UNC13C: variants seen among roughly 807,000 people sequenced by gnomAD.
The protein encoded by UNC13C is unc-13 homolog C.
Under a neutral mutation model 245.4 loss-of-function variants are expected in UNC13C, and 174 were observed. The observed-to-expected ratio is 0.71, with a 90% CI of 0.63 to 0.80. UNC13C has a LOEUF of 0.80. Ranked by LOEUF, UNC13C falls within the 30% of genes least tolerant of loss-of-function variation. The probability of loss-of-function intolerance (pLI) is 0.00; values close to 1 mark genes in which losing one functional copy is unlikely to be tolerated. For synonymous variants in UNC13C, 992 were observed against 895.1 expected, an observed-to-expected ratio of 1.11 and a Z score of -1.93; for missense variants, 2,829 against 2,602.9, an observed-to-expected ratio of 1.09 and a Z score of -1.89.
chr15:54,048,506 C>T, intron 2 of UNC13C: 1 of 591,864 alleles, frequency 1.7e-6, no homozygotes, highest in Admixed American at 2.0e-5. Flanking sequence ...TATGTTTCCA[C>T]TAAACCTTAG....
At chr15:54,088,205 T>C (rs1899353316) in intron 2 of UNC13C, among the ~76,000 whole-genome samples, 1 of 38,950 alleles carries the variant, frequency 2.6e-5, no homozygotes, top group Admixed American at 2.4e-4. Context: ...CTTTTCCTTT[T>C]TTTTTTTTTT....
chr15:54,409,687 C>T (rs982354049), intron 18 of UNC13C, among the ~76,000 whole-genome samples: 3 of 152,200 alleles, frequency 2.0e-5, no homozygotes, highest in Admixed American at 6.5e-5. Context: ...ACTCCATCCA[C>T]GTTGCTGCAA....
chr15:54,408,715 G>T (rs2040358524), intron 18 of UNC13C, among the ~76,000 whole-genome samples: 1 of 152,130 alleles, frequency 6.6e-6, no homozygotes, highest in Non-Finnish European at 1.5e-5. Flanking sequence ...CAAATTTTCA[G>T]TAGTTTGGTG....
Position 54,130,698 on chromosome 15 carries a change from C to A in UNC13C, c.2984-12320C>A, listed in dbSNP as rs543366890. ...TTTGGTATAGGCTTAAGATTCCTAT[C>A]TTCATAGGCAAATCTTTTCCATTCA... On this transcript the variant is annotated intron_variant, in intron 2 of 32. Transcript: ENST00000260323. 3.3e-5 allele frequency among the ~76,000 whole-genome samples: 5 copies of A among 152,280 alleles called. No individual in the cohort carries two copies. The South Asian group carries it at 1.0e-3, about 32-fold the overall frequency.
intron 4 of UNC13C, among the ~76,000 whole-genome samples, chr15:54,187,107 A>G (rs758896811): frequency 1.4e-4 from 21 of 151,956 alleles, no homozygotes; most frequent in Non-Finnish European, 2.8e-4. Context: ...CTTGGCATCA[A>G]TTTTACACAT....
At chr15:54,556,818 T>C (rs910436008) in intron 29 of UNC13C, among the ~76,000 whole-genome samples, 1 of 151,966 alleles carries the variant, frequency 6.6e-6, no homozygotes, top group African/African-American at 2.4e-5. Flanking sequence ...TGAATTCAAC[T>C]CTTCATGCAT....
chr15:53,916,998 G>A, the UNC13C span, among the ~76,000 whole-genome samples: 14 of 152,320 alleles, frequency 9.2e-5, no homozygotes, highest in Middle Eastern at 3.4e-3. Context: ...AAAAGAATCA[G>A]ATGACCAGAC....
intron 2 of UNC13C, among the ~76,000 whole-genome samples, chr15:54,138,953 ATTTT>A (rs56255946): frequency 3.1e-4 from 15 of 48,640 alleles, no homozygotes; most frequent in South Asian, 1.4e-3. Flanking sequence ...ATTTCCCCTA[ATTTT>A]TTTTTTTTTT....
chr15:54,236,037 G>T (rs2035690577), intron 5 of UNC13C, among the ~76,000 whole-genome samples: 1 of 148,420 alleles, frequency 6.7e-6, no homozygotes, highest in Non-Finnish European at 1.5e-5. Context: ...AAAAATCATC[G>T]TGAAAAAGTG....
chr15:54,269,828 T>G (rs1394353024), intron 10 of UNC13C, among the ~76,000 whole-genome samples: 1 of 152,154 alleles, frequency 6.6e-6, no homozygotes, highest in Non-Finnish European at 1.5e-5. Context: ...CTATCTGTAC[T>G]GGCAGTAACA....
intron 2 of UNC13C, chr15:54,048,957 T>C: frequency 3.1e-6 from 1 of 327,758 alleles, no homozygotes; most frequent in South Asian, 3.0e-5. Flanking sequence ...GCAAAGGACA[T>C]TGCATGTATC....
At chr15:54,598,452 T>G (rs1423334171) in intron 30 of UNC13C, among the ~76,000 whole-genome samples, 1 of 152,136 alleles carries the variant, frequency 6.6e-6, no homozygotes, top group Non-Finnish European at 1.5e-5. Context: ...TTTAAAAAAT[T>G]GAGTGAAAAC....
chr15:54,106,383 A>G (rs957407774), intron 2 of UNC13C, among the ~76,000 whole-genome samples: 16 of 152,224 alleles, frequency 1.1e-4, no homozygotes, highest in African/African-American at 1.9e-4. Flanking sequence ...AAATTCTCCA[A>G]TGACCACTTA....
At chr15:54,160,890 A>G (rs1369087518) in intron 4 of UNC13C, among the ~76,000 whole-genome samples, 1 of 152,186 alleles carries the variant, frequency 6.6e-6, no homozygotes, top group African/African-American at 2.4e-5. Context: ...TTTATGATAA[A>G]GCTATTTTAA....
upstream of UNC13C, among the ~76,000 whole-genome samples, chr15:53,973,765 T>C (rs1893612807): frequency 6.6e-6 from 1 of 152,178 alleles, no homozygotes; most frequent in South Asian, 2.1e-4. Context: ...AGAATGAAAG[T>C]ATAGATGCCG....
At chr15:54,408,858 A>G (rs1438410111) in intron 18 of UNC13C, among the ~76,000 whole-genome samples, 1 of 152,180 alleles carries the variant, frequency 6.6e-6, no homozygotes, top group Non-Finnish European at 1.5e-5. Context: ...TATTCACCTA[A>G]TACTGCCTGA....
rs369937180 is a variant in UNC13C, at chr15:54,462,927, G to T, written c.4934-31681G>T. Among the ~76,000 whole-genome samples, 20 of 152,242 alleles carry T rather than the reference G, an allele frequency of 1.3e-4. No individual in the cohort carries two copies. In the East Asian group the frequency reaches 3.9e-3, roughly 30 times the overall value. The stretch of plus-strand genomic sequence containing the variant: ...GCCAGCTGGGCTCCTGAGTCAGGTG[G>T]GGGCTTGGAGAACTTTCGTGTCTAG... On this transcript the variant is annotated intron_variant, in intron 19 of 32. Coordinates refer to ENST00000260323, the MANE Select transcript of UNC13C (RefSeq NM_001080534.3).
intron 17 of UNC13C, among the ~76,000 whole-genome samples, chr15:54,387,066 A>T (rs2039853737): frequency 6.6e-6 from 1 of 152,168 alleles, no homozygotes; most frequent in African/African-American, 2.4e-5. Flanking sequence ...TTCTAAACTG[A>T]TGGTGAACCC....
At chr15:54,577,675 C>T (rs2141232874) in intron 30 of UNC13C, among the ~76,000 whole-genome samples, 1 of 152,284 alleles carries the variant, frequency 6.6e-6, no homozygotes, top group East Asian at 1.9e-4. Flanking sequence ...GTTCCAGTAA[C>T]TCCTTCCTCC....
Sources: gnomAD v4.1 joint callset for allele counts (sites outside exome capture counted in the v4.1 genomes callset) on GRCh38, gnomAD v4.1.1 for gene constraint, MANE v1.5 for transcripts, NCBI Gene and HGNC (gene_info 2026-07-23, HGNC 2026-07-21) for gene names.